Variants in PHF11 observed in about 807,000 individuals in gnomAD.
PHF11 encodes the protein PHD finger protein 11, also known as BRCA1 C-terminus-associated protein.
In PHF11, 38 loss-of-function variants were observed where a neutral mutation model predicts 40.5. The ratio of observed to expected loss-of-function variants is 0.94; its 90% CI spans 0.72 to 1.23. The LOEUF (loss-of-function observed/expected upper bound fraction) is 1.23. Ranked by LOEUF, PHF11 falls within the 50% of genes most tolerant of loss-of-function variation. PHF11 has a pLI of 0.00. For synonymous variants in PHF11, 127 were observed against 138.2 expected, an observed-to-expected ratio of 0.92 and a Z score of 0.57; for missense variants, 369 against 392.4, an observed-to-expected ratio of 0.94 and a Z score of 0.50.
chr13:49,510,975 T>C (rs1224558352), intron 2 of PHF11, among the ~76,000 whole-genome samples: 2 of 152,222 alleles, frequency 1.3e-5, no homozygotes, highest in Non-Finnish European at 2.9e-5. Context: ...GTTTCCTCAA[T>C]GTTCTGTGCA....
chr13:49,510,761 G>A (rs1001893662), intron 2 of PHF11, among the ~76,000 whole-genome samples: 3 of 152,146 alleles, frequency 2.0e-5, no homozygotes, highest in Non-Finnish European at 2.9e-5. Context: ...GTGAGCTACC[G>A]CTCCCAGCCC....
intron 3 of PHF11, among the ~76,000 whole-genome samples, chr13:49,515,455 TACACACAC>T (rs61316360): frequency 0.017 from 2,324 of 137,654 alleles, 44 homozygotes; most frequent in African/African-American, 0.042. Flanking sequence ...CCATCTCCTA[TACACACAC>T]ACACACACAC....
At chr13:49,498,103 G>A (rs947299808) in intron 1 of PHF11, among the ~76,000 whole-genome samples, 2 of 152,148 alleles carry the variant, frequency 1.3e-5, no homozygotes, top group African/African-American at 2.4e-5. Context: ...CTGGCCACTG[G>A]CATGTAAATT....
chr13:49,496,512 G>T, intron 1 of PHF11: 1 of 930,296 alleles, frequency 1.1e-6, no homozygotes, highest in Non-Finnish European at 1.3e-6. Flanking sequence ...TGAGGGAAGA[G>T]CTGGGTCTCA....
intron 6 of PHF11, 130 bp from the exon 7 acceptor site, chr13:49,523,045 G>A: frequency 1.4e-6 from 1 of 722,366 alleles, no homozygotes. Context: ...TTACAGGCGT[G>A]AGACACCGCG....
At position 49,501,001 on chromosome 13, in the gene PHF11, TTTTTTTTTTTTTTTGG is replaced by T. The variant is rs908864464; in HGVS notation, c.94+4918_94+4933del. 4.7e-4 allele frequency among the ~76,000 whole-genome samples: 50 copies of T among 107,376 alleles called. 1 individual carries two copies. The East Asian group carries it at 0.011, about 24-fold the overall frequency. 70.4% of individuals were successfully genotyped at this position (107,376 alleles called of 152,430 possible). On this transcript the variant is annotated intron_variant, in intron 1 of 9. Coordinates refer to ENST00000378319, the MANE Select transcript of PHF11 (RefSeq NM_001040443.3). ...TTAATTTGGGAGTCACCAACTTTTGTTTTTTTTTTTTTTTGGTTTTTTTTTTTCTGAAATGGAGTTT... is the reference window on the plus strand; with the variant it reads ...TTAATTTGGGAGTCACCAACTTTTGTTTTTTTTTTTTCTGAAATGGAGTTT...
intron 2 of PHF11, among the ~76,000 whole-genome samples, chr13:49,509,298 C>T (rs1959052217): frequency 3.3e-5 from 5 of 151,840 alleles, no homozygotes; most frequent in Admixed American, 3.3e-4. Flanking sequence ...CTGCAACCTC[C>T]ACTTCCCAGG....
At chr13:49,523,095 A>T in intron 6 of PHF11, 80 bp from the exon 7 acceptor site, 1 of 953,562 alleles carries the variant, frequency 1.0e-6, no homozygotes, top group Non-Finnish European at 1.7e-6. Flanking sequence ...CATATCATTT[A>T]GTTATGCACA....
intron 1 of PHF11, 108 bp downstream of exon 1, chr13:49,496,203 T>G: frequency 1.4e-6 from 1 of 709,942 alleles, no homozygotes; most frequent in South Asian, 5.8e-5. Flanking sequence ...GACCTGCCCC[T>G]ACTCCGGGCC....
chr13:49,515,455 T>TACAC (rs61316360), intron 3 of PHF11, among the ~76,000 whole-genome samples: 2,400 of 137,606 alleles, frequency 0.017, 26 homozygotes, highest in South Asian at 0.022. Flanking sequence ...CCATCTCCTA[T>TACAC]ACACACACAC....
At chr13:49,525,380 T>C (rs1959231202) in intron 8 of PHF11, among the ~76,000 whole-genome samples, 1 of 152,214 alleles carries the variant, frequency 6.6e-6, no homozygotes, top group Non-Finnish European at 1.5e-5. Flanking sequence ...CCAGAGTAGC[T>C]AAGATTACAG....
At position 49,496,036 on chromosome 13, in the gene PHF11, T is replaced by A. The variant is rs893951899; in HGVS notation, c.35T>A (p.Val12Glu). Residue 12 changes from valine to glutamate, a missense_variant, in exon 1 of 10, where the codon GTG becomes GAG. By Grantham distance (121) the Val-to-Glu change is moderately radical. Coordinates refer to ENST00000378319, the MANE Select transcript of PHF11 (RefSeq NM_001040443.3). ...GCGTCGCCGCCCCGGCCCGAGAGGGTGCTCGGCGCCAGCAGCCCGGAGGCC... is the reference window on the plus strand; with the variant it reads ...GCGTCGCCGCCCCGGCCCGAGAGGGAGCTCGGCGCCAGCAGCCCGGAGGCC... The part of the protein sequence containing the change: ...AQASPPRPER[V>E]LGASSPEARP... The A allele has an allele frequency of 2.2e-5, 32 of 1,469,670 alleles. No homozygotes were observed. Among genetic ancestry groups the A allele is most frequent in the Non-Finnish European group, 2.8e-5 (31 of 1,116,590 alleles). 91.0% of individuals were successfully genotyped at this position (1,469,670 alleles called of 1,614,324 possible).
At chr13:49,499,129 T>C (rs370997112) in intron 1 of PHF11, among the ~76,000 whole-genome samples, 18 of 152,372 alleles carry the variant, frequency 1.2e-4, no homozygotes, top group Middle Eastern at 3.4e-3. Context: ...TTTGTTCTTC[T>C]CTTTCTCTGG....
chr13:49,528,427 C>A, intron 9 of PHF11, 84 bp from the exon 10 acceptor site: 1 of 948,108 alleles, frequency 1.1e-6, no homozygotes, highest in Non-Finnish European at 1.6e-6. Flanking sequence ...TCTGTACCTG[C>A]AAGTGAAAGG....
intron 2 of PHF11, among the ~76,000 whole-genome samples, chr13:49,511,520 G>T (rs1959083170): frequency 6.6e-6 from 1 of 151,986 alleles, no homozygotes; most frequent in African/African-American, 2.4e-5. Flanking sequence ...TAGGGATGGG[G>T]TTTCACCATG....
At chr13:49,497,330 A>G (rs765156472) in intron 1 of PHF11, 64 of 589,972 alleles carry the variant, frequency 1.1e-4, no homozygotes, top group Non-Finnish European at 1.7e-4. Flanking sequence ...CCCAAAGAGA[A>G]TTCTTGTTTC....
chr13:49,528,620 A>G lies in PHF11; in HGVS notation c.951A>G (p.Arg317=), dbSNP rs1243021111. ...KQTLCSFQEN[R]DLMSSSTSIS... ...CCTTGTGCTCTTTTCAAGAAAATAG[A>G]GATCTTATGTCAAGTTCTACATCAA... Residue 317 remains arginine, a synonymous_variant, in exon 10 of 10, where the codon AGA becomes AGG. Transcript: ENST00000378319. 1 of 1,611,076 alleles carries G rather than the reference A, an allele frequency of 6.2e-7. No individual in the cohort carries two copies. Among genetic ancestry groups the G allele is most frequent in the African/African-American group, 1.3e-5 (1 of 74,852 alleles).
At chr13:49,509,253 C>T (rs1277831542) in intron 2 of PHF11, among the ~76,000 whole-genome samples, 1 of 151,304 alleles carries the variant, frequency 6.6e-6, no homozygotes, top group Non-Finnish European at 1.5e-5. Context: ...GCTCTGTCGC[C>T]CCAGGCTGGA....
At chr13:49,520,072 G>C (rs1959180294) in intron 4 of PHF11, among the ~76,000 whole-genome samples, 1 of 152,100 alleles carries the variant, frequency 6.6e-6, no homozygotes, top group African/African-American at 2.4e-5. Context: ...TTTTAAGACA[G>C]AGTCTTGCTC....
Sources: gnomAD v4.1 joint callset for allele counts (sites outside exome capture counted in the v4.1 genomes callset) on GRCh38, gnomAD v4.1.1 for gene constraint, MANE v1.5 for transcripts, NCBI Gene and HGNC (gene_info 2026-07-23, HGNC 2026-07-21) for gene names.